The following ARHGAP42 variants were observed in gnomAD, a reference collection of about 807,000 sequenced individuals.
ARHGAP42 encodes the protein Rho GTPase activating protein 42.
A neutral mutation model predicts 125.0 loss-of-function variants in ARHGAP42; 63 were observed. The observed-to-expected ratio is 0.50, with a 90% confidence interval of 0.41 to 0.62. ARHGAP42 has a LOEUF of 0.62. ARHGAP42 is among the 20% of genes least tolerant of loss of function. The pLI, the probability that ARHGAP42 is intolerant of heterozygous loss-of-function variation, is 0.00. For synonymous variants in ARHGAP42, 339 were observed against 351.0 expected (o/e 0.97, Z 0.38); for missense variants, 766 against 1,024.2 (o/e 0.75, Z 3.44).
At chr11:100,928,321 C>G (rs573508902) in intron 6 of ARHGAP42, among the ~76,000 whole-genome samples, 604 of 152,218 alleles carry the variant, frequency 4.0e-3, no homozygotes, top group Non-Finnish European at 6.2e-3. Flanking sequence ...TCAGGCCAGG[C>G]ATGGTTGCTC....
At chr11:100,860,178 T>C (rs1181876821) in intron 4 of ARHGAP42, among the ~76,000 whole-genome samples, 1 of 152,140 alleles carries the variant, frequency 6.6e-6, no homozygotes, top group Non-Finnish European at 1.5e-5. Flanking sequence ...CATGGGAGCA[T>C]ATAAAACTTA....
intron 5 of ARHGAP42, among the ~76,000 whole-genome samples, chr11:100,916,536 G>A (rs1017113002): frequency 3.9e-5 from 6 of 152,008 alleles, no homozygotes; most frequent in South Asian, 4.1e-4. Flanking sequence ...ATTTGAAAAC[G>A]CAAATAACAA....
intron 9 of ARHGAP42, 41 bp downstream of exon 9, chr11:100,941,925 A>G (rs1321382216): frequency 3.0e-6 from 4 of 1,351,154 alleles, no homozygotes; most frequent in Non-Finnish European, 4.1e-6. Context: ...TAAACTGTTC[A>G]TTATTTAAGT....
intron 2 of ARHGAP42, among the ~76,000 whole-genome samples, chr11:100,778,510 CA>C (rs1863186289): frequency 6.6e-6 from 1 of 151,908 alleles, no homozygotes; most frequent in African/African-American, 2.4e-5. Context: ...GCAGAGGAAG[CA>C]TATTTTACTT....
At chr11:100,770,274 C>T in intron 1 of ARHGAP42, 69 bp from the exon 2 acceptor site, 1 of 1,020,558 alleles carries the variant, frequency 9.8e-7, no homozygotes, top group South Asian at 1.8e-5. Context: ...TATAATTTTA[C>T]ATTTGGAAAC....
intron 4 of ARHGAP42, among the ~76,000 whole-genome samples, chr11:100,860,483 A>T (rs1865419430): frequency 6.6e-6 from 1 of 152,062 alleles, no homozygotes; most frequent in Admixed American, 6.6e-5. Context: ...AATTTTGATA[A>T]TGAAAGCTTT....
At chr11:100,847,871 G>A (rs1416103608) in intron 3 of ARHGAP42, among the ~76,000 whole-genome samples, 1 of 152,150 alleles carries the variant, frequency 6.6e-6, no homozygotes, top group African/African-American at 2.4e-5. Flanking sequence ...AGAAACATCT[G>A]GGTTGGAGAA....
intron 8 of ARHGAP42, among the ~76,000 whole-genome samples, chr11:100,938,106 A>G (rs1460084218): frequency 4.6e-5 from 7 of 151,174 alleles, no homozygotes; most frequent in Non-Finnish European, 2.9e-5. Flanking sequence ...CCTAGGCTAC[A>G]TAAGTCAAGG....
intron 2 of ARHGAP42, among the ~76,000 whole-genome samples, chr11:100,779,981 G>T (rs1424261314): frequency 2.6e-5 from 4 of 151,562 alleles, no homozygotes; most frequent in Admixed American, 2.6e-4. Context: ...ATCCAAGATT[G>T]CGCCACTGCA....
chr11:100,781,722 A>T (rs898787048), intron 2 of ARHGAP42, among the ~76,000 whole-genome samples: 1 of 152,222 alleles, frequency 6.6e-6, no homozygotes, highest in East Asian at 1.9e-4. Flanking sequence ...ACAATTATTC[A>T]GATTTTTTTC....
At position 100,991,240 on chromosome 11, in the gene ARHGAP42, C is replaced by T. The variant is rs1858824026; in HGVS notation, c.*2439C>T. 1.3e-5 allele frequency: 2 copies of T among 152,120 alleles called. No homozygotes were observed. Among genetic ancestry groups the T allele is most frequent in the Admixed American group, 6.6e-5 (1 of 15,266 alleles). The allele number at this position is 152,120 out of a possible 1,614,324, so 9.4% of individuals were successfully genotyped here. ...GGAGACGGGCTAAAGCTGCTTTTCC[C>T]TTAAAGTAAGTTTCCTACAGATAAG... On this transcript the variant is annotated 3_prime_UTR_variant, in exon 24 of 24. Coordinates refer to ENST00000298815, the MANE Select transcript of ARHGAP42 (RefSeq NM_152432.4).
chr11:100,706,293 T>C (rs1166753442), intron 1 of ARHGAP42, among the ~76,000 whole-genome samples: 4 of 152,216 alleles, frequency 2.6e-5, no homozygotes, highest in Admixed American at 6.5e-5. Context: ...CACCAAATCT[T>C]TGGGACTCAG....
At chr11:100,769,794 G>T (rs1381043876) in intron 1 of ARHGAP42, among the ~76,000 whole-genome samples, 1 of 140,766 alleles carries the variant, frequency 7.1e-6, no homozygotes, top group Non-Finnish European at 1.5e-5. Context: ...GCCACAGGGA[G>T]GGGAACAACA....
intron 5 of ARHGAP42, among the ~76,000 whole-genome samples, chr11:100,915,108 A>T (rs1867028674): frequency 6.6e-6 from 1 of 152,150 alleles, no homozygotes; most frequent in Non-Finnish European, 1.5e-5. Context: ...GTGCTTATGG[A>T]AAGATTTTGA....
At chr11:100,944,146 C>T (rs980008041) in intron 10 of ARHGAP42, among the ~76,000 whole-genome samples, 4 of 151,958 alleles carry the variant, frequency 2.6e-5, no homozygotes, top group African/African-American at 9.7e-5. Flanking sequence ...GCCTCATGGT[C>T]CCCATCATCA....
chr11:100,979,700 TA>T (rs1427773807), intron 22 of ARHGAP42, among the ~76,000 whole-genome samples: 1 of 88,092 alleles, frequency 1.1e-5, no homozygotes, highest in African/African-American at 4.8e-5. Flanking sequence ...GGCTTTTCAT[TA>T]TTTTTTTTTT....
chr11:100,843,837 T>C (rs1449148221), intron 3 of ARHGAP42, among the ~76,000 whole-genome samples: 1 of 152,154 alleles, frequency 6.6e-6, no homozygotes, highest in Admixed American at 6.6e-5. Flanking sequence ...TGCTCATGGA[T>C]GGATAGAATC....
At chr11:100,840,020 A>C (rs1312970300) in intron 3 of ARHGAP42, 1 of 152,166 alleles carries the variant, frequency 6.6e-6, no homozygotes, top group Admixed American at 6.5e-5. Context: ...ATGAGACTAG[A>C]ATTGGATCAA....
chr11:100,722,992 A>G (rs560329265), intron 1 of ARHGAP42, among the ~76,000 whole-genome samples: 3 of 152,174 alleles, frequency 2.0e-5, no homozygotes, highest in Non-Finnish European at 2.9e-5. Context: ...TGTGAAGTCT[A>G]TATCTAGATT....
Sources: allele counts gnomAD v4.1 joint callset (sites outside exome capture counted in the v4.1 genomes callset), GRCh38; gene constraint gnomAD v4.1.1; transcripts MANE v1.5; gene names NCBI Gene and HGNC (gene_info 2026-07-23, HGNC 2026-07-21).